AGBL1: variants seen among roughly 807,000 people sequenced by gnomAD.
The protein encoded by AGBL1 is AGBL carboxypeptidase 1, also known as cytosolic carboxypeptidase 4.
In AGBL1, 130 loss-of-function variants were observed where a neutral mutation model predicts 118.9. That is an observed-to-expected ratio of 1.09 (90% CI 0.95 to 1.26). The LOEUF is 1.26. Among genes scored for constraint, AGBL1 ranks in the 50% most tolerant of loss-of-function variants. AGBL1 has a pLI of 0.00. For synonymous variants in AGBL1, 555 were observed against 478.9 expected (o/e 1.16, Z -2.08); for missense variants, 1,584 against 1,298.1 (o/e 1.22, Z -3.38).
intron 21 of AGBL1, among the ~76,000 whole-genome samples, chr15:86,583,312 C>G (rs2084199891): frequency 1.3e-5 from 2 of 151,984 alleles, no homozygotes; most frequent in Non-Finnish European, 2.9e-5. Context: ...AGCATACTAC[C>G]TCATATTAAG....
At chr15:86,404,273 C>T (rs2081490862) in intron 18 of AGBL1, among the ~76,000 whole-genome samples, 1 of 152,308 alleles carries the variant, frequency 6.6e-6, no homozygotes, top group East Asian at 1.9e-4. Flanking sequence ...TGATCCTGGA[C>T]ACTCTACCTT....
chr15:86,317,613 T>C (rs2080035810), intron 17 of AGBL1, among the ~76,000 whole-genome samples: 2 of 152,124 alleles, frequency 1.3e-5, no homozygotes, highest in African/African-American at 2.4e-5. Context: ...AGTCACAGAC[T>C]AGCTTTGGGA....
intron 22 of AGBL1, among the ~76,000 whole-genome samples, chr15:86,787,555 A>G (rs7169440): frequency 2.3e-3 from 353 of 152,182 alleles, no homozygotes; most frequent in African/African-American, 8.1e-3. Context: ...TTCCCTTAGC[A>G]TGTCGTCTTC....
chr15:86,429,795 T>C (rs983260255), intron 18 of AGBL1, among the ~76,000 whole-genome samples: 13 of 152,238 alleles, frequency 8.5e-5, no homozygotes, highest in African/African-American at 3.1e-4. Flanking sequence ...TTGCCACTTA[T>C]AATTCTAAGA....
chr15:86,553,294 A>G (rs1188343529), intron 20 of AGBL1, among the ~76,000 whole-genome samples: 1 of 152,182 alleles, frequency 6.6e-6, no homozygotes, highest in Non-Finnish European at 1.5e-5. Context: ...TATACTATCA[A>G]CTCTGAGTCA....
chr15:86,623,101 T>C (rs1443869317), intron 21 of AGBL1, among the ~76,000 whole-genome samples: 1 of 152,134 alleles, frequency 6.6e-6, no homozygotes, highest in Non-Finnish European at 1.5e-5. Flanking sequence ...TAAATACAGA[T>C]GAAGCTTCAC....
intron 22 of AGBL1, among the ~76,000 whole-genome samples, chr15:86,684,463 C>CT (rs11436174): frequency 0.79 from 114,940 of 145,970 alleles, 46,920 homozygotes; most frequent in Middle Eastern, 0.89. Context: ...ATAGTTCTCT[C>CT]TTTTTTTTTT....
downstream of AGBL1, among the ~76,000 whole-genome samples, chr15:86,918,115 C>T (rs1023800662): frequency 2.6e-5 from 4 of 152,136 alleles, no homozygotes; most frequent in Non-Finnish European, 5.9e-5. Flanking sequence ...TTACAGATTC[C>T]ATTTATTTGG....
chr15:86,157,328 G>A (rs1044468197), intron 4 of AGBL1, among the ~76,000 whole-genome samples: 5 of 152,108 alleles, frequency 3.3e-5, no homozygotes, highest in Admixed American at 6.5e-5. Flanking sequence ...TTATATAAAG[G>A]ACAACTCTCA....
chr15:86,729,698 C>T (rs554200999), intron 22 of AGBL1, among the ~76,000 whole-genome samples: 1 of 152,152 alleles, frequency 6.6e-6, no homozygotes, highest in Non-Finnish European at 1.5e-5. Context: ...AGGTTGACTC[C>T]ATATCTTTGC....
chr15:86,726,940 G>A (rs765522564), intron 22 of AGBL1, among the ~76,000 whole-genome samples: 7 of 152,132 alleles, frequency 4.6e-5, no homozygotes, highest in Non-Finnish European at 8.8e-5. Flanking sequence ...TGGTAGAAAC[G>A]TCGTTTTCCT....
At chr15:86,732,946 G>A (rs1175285211) in intron 22 of AGBL1, among the ~76,000 whole-genome samples, 1 of 149,030 alleles carries the variant, frequency 6.7e-6, no homozygotes, top group Non-Finnish European at 1.5e-5. Context: ...TATATAGAGA[G>A]AAATATATAC....
chr15:86,817,212 A>G (rs1378542409), intron 22 of AGBL1, among the ~76,000 whole-genome samples: 1 of 150,726 alleles, frequency 6.6e-6, no homozygotes, highest in Non-Finnish European at 1.5e-5. Flanking sequence ...GAATTGCTTG[A>G]TCTCAGAAGG....
chr15:86,159,069 T>A (rs753586551), intron 5 of AGBL1, 43 bp downstream of exon 5: 1 of 1,544,298 alleles, frequency 6.5e-7, no homozygotes, highest in Non-Finnish European at 9.0e-7. Context: ...TTGTAACAGA[T>A]GGAGAGATGG....
chr15:86,975,850 A>G (rs1460233783), intron 23 of AGBL1, among the ~76,000 whole-genome samples: 2 of 152,132 alleles, frequency 1.3e-5, no homozygotes, highest in Non-Finnish European at 2.9e-5. Context: ...TTTCCTAGAT[A>G]GCCAAAATGT....
At chr15:86,152,213 C>G (rs550906738) in intron 3 of AGBL1, among the ~76,000 whole-genome samples, 13 of 152,290 alleles carry the variant, frequency 8.5e-5, no homozygotes, top group Middle Eastern at 3.4e-3. Context: ...ATTGCCAAGA[C>G]AATCCTAAGC....
chr15:86,520,745 T>C (rs1232244829), intron 18 of AGBL1, among the ~76,000 whole-genome samples: 2 of 152,166 alleles, frequency 1.3e-5, no homozygotes, highest in Non-Finnish European at 2.9e-5. Flanking sequence ...CCAGTGTTGA[T>C]GAGAATCCAG....
intron 23 of AGBL1, among the ~76,000 whole-genome samples, chr15:86,983,889 C>G (rs1226799447): frequency 2.0e-5 from 3 of 152,158 alleles, no homozygotes; most frequent in Admixed American, 6.5e-5. Flanking sequence ...TCTTTGAGTT[C>G]TGAGTAGTAT....
intron 23 of AGBL1, among the ~76,000 whole-genome samples, chr15:86,963,625 C>T (rs1425018975): frequency 6.6e-6 from 1 of 151,972 alleles, no homozygotes; most frequent in Non-Finnish European, 1.5e-5. Flanking sequence ...AGCTCAGTCT[C>T]ATTATTTATC....
Sources: allele counts gnomAD v4.1 joint callset (sites outside exome capture counted in the v4.1 genomes callset), GRCh38; gene constraint gnomAD v4.1.1; transcripts MANE v1.5; gene names NCBI Gene and HGNC (gene_info 2026-07-23, HGNC 2026-07-21).